SAMD5: variants seen among roughly 807,000 people sequenced by gnomAD.
The protein encoded by SAMD5 is sterile alpha motif domain-containing protein 5.
Under a neutral mutation model 11.3 loss-of-function variants are expected in SAMD5, and 13 were observed. The observed-to-expected ratio is 1.15, with a 90% confidence interval of 0.75 to 1.83. The LOEUF (loss-of-function observed/expected upper bound fraction) is 1.83. Ranked by LOEUF, SAMD5 falls within the 40% of genes most tolerant of loss-of-function variation. The pLI, the probability that SAMD5 is intolerant of heterozygous loss-of-function variation, is 0.00. For synonymous variants in SAMD5, 129 were observed against 111.3 expected (o/e 1.16, Z -1.00); for missense variants, 255 against 239.1 (o/e 1.07, Z -0.44).
chr6:147,675,263 T>C (rs1790846558), intron 1 of SAMD5, among the ~76,000 whole-genome samples: 1 of 152,188 alleles, frequency 6.6e-6, no homozygotes, highest in South Asian at 2.1e-4. Context: ...GAATAAATGC[T>C]TTAATTATGA....
At chr6:147,602,429 A>G (rs1348793932) in intron 1 of SAMD5, among the ~76,000 whole-genome samples, 1 of 152,186 alleles carries the variant, frequency 6.6e-6, no homozygotes, top group Non-Finnish European at 1.5e-5. Context: ...TCCTTGTGGA[A>G]ACAAACATTG....
chr6:147,925,682 CTTTTTTTT>C, the SAMD5 span, among the ~76,000 whole-genome samples: 3 of 115,282 alleles, frequency 2.6e-5, no homozygotes, highest in East Asian at 7.8e-4. Context: ...ACTGAGAATT[CTTTTTTTT>C]TTTTTTTTTT....
chr6:147,589,748 C>T (rs914411490), intron 1 of SAMD5, among the ~76,000 whole-genome samples: 6 of 152,242 alleles, frequency 3.9e-5, no homozygotes, highest in Admixed American at 2.6e-4. Context: ...ATAAAAAGTG[C>T]TTAGCATATG....
At chr6:147,766,201 T>A in the SAMD5 span, among the ~76,000 whole-genome samples, 1 of 151,634 alleles carries the variant, frequency 6.6e-6, no homozygotes, top group African/African-American at 2.4e-5. Flanking sequence ...AACAGAATTA[T>A]AAGATCAATA....
intron 1 of SAMD5, among the ~76,000 whole-genome samples, chr6:147,671,681 CTTAA>C (rs1156844603): frequency 2.0e-5 from 3 of 152,060 alleles, no homozygotes; most frequent in East Asian, 1.9e-4. Context: ...CCACCCATTA[CTTAA>C]TTATTTCTTC....
At chr6:147,868,280 TAAGTA>T in the SAMD5 span, among the ~76,000 whole-genome samples, 2 of 152,210 alleles carry the variant, frequency 1.3e-5, no homozygotes, top group South Asian at 2.1e-4. Context: ...AATTTGTTAC[TAAGTA>T]AAGTAGTTTG....
At chr6:147,901,266 C>T in the SAMD5 span, among the ~76,000 whole-genome samples, 2 of 152,224 alleles carry the variant, frequency 1.3e-5, no homozygotes, top group South Asian at 2.1e-4. Flanking sequence ...ATGGTTTATA[C>T]ATCCATACAT....
chr6:147,597,684 T>C (rs937735703), intron 1 of SAMD5, among the ~76,000 whole-genome samples: 1 of 152,236 alleles, frequency 6.6e-6, no homozygotes, highest in African/African-American at 2.4e-5. Context: ...TTTCATGATC[T>C]CTTCAAGAGC....
At chr6:147,833,391 A>G in the SAMD5 span, among the ~76,000 whole-genome samples, 1 of 152,244 alleles carries the variant, frequency 6.6e-6, no homozygotes, top group South Asian at 2.1e-4. Context: ...GGATTAGTTT[A>G]TATTAAGGAA....
chr6:147,721,308 C>T (rs1471726128), intron 1 of SAMD5, among the ~76,000 whole-genome samples: 12 of 150,846 alleles, frequency 8.0e-5, no homozygotes, highest in Non-Finnish European at 1.2e-4. Flanking sequence ...AGTTTACAGT[C>T]CCACCAACAG....
At chr6:147,855,692 A>G in the SAMD5 span, among the ~76,000 whole-genome samples, 9 of 152,170 alleles carry the variant, frequency 5.9e-5, no homozygotes, top group Admixed American at 1.3e-4. Context: ...TAAAAAAATA[A>G]AAGAACCCAG....
At chr6:147,603,841 T>A (rs1193564014) in intron 1 of SAMD5, among the ~76,000 whole-genome samples, 1 of 152,134 alleles carries the variant, frequency 6.6e-6, no homozygotes, top group East Asian at 1.9e-4. Flanking sequence ...TACTGGGAGC[T>A]GGAGGGTTTG....
chr6:147,556,568 A>G (rs1193975029), intron 1 of SAMD5, among the ~76,000 whole-genome samples: 1 of 152,226 alleles, frequency 6.6e-6, no homozygotes, highest in Non-Finnish European at 1.5e-5. Flanking sequence ...CCGGGATACA[A>G]CATTGCAGTG....
chr6:147,700,995 G>GTAGC (rs1791246113), intron 1 of SAMD5, among the ~76,000 whole-genome samples: 1 of 152,180 alleles, frequency 6.6e-6, no homozygotes, highest in South Asian at 2.1e-4. Context: ...CTTCTAGCTG[G>GTAGC]TAGAAAAGGA....
chr6:147,509,906 C>T (rs1788061604), intron 1 of SAMD5, among the ~76,000 whole-genome samples: 1 of 152,132 alleles, frequency 6.6e-6, no homozygotes. Context: ...AGCGCTGCTG[C>T]AAATTTGAGA....
At chr6:147,838,296 T>A in the SAMD5 span, among the ~76,000 whole-genome samples, 2 of 152,158 alleles carry the variant, frequency 1.3e-5, no homozygotes, top group South Asian at 2.1e-4. Context: ...AATGATGGGT[T>A]GGAGATTGAA....
chr6:147,906,691 T>A, the SAMD5 span, among the ~76,000 whole-genome samples: 1 of 152,204 alleles, frequency 6.6e-6, no homozygotes. Context: ...GGGAGAAGTC[T>A]ACATACTTAC....
the SAMD5 span, among the ~76,000 whole-genome samples, chr6:147,875,723 A>G: frequency 6.6e-6 from 1 of 152,044 alleles, no homozygotes; most frequent in Non-Finnish European, 1.5e-5. Context: ...TGGGAGTGTG[A>G]ACCCTATTGT....
At chr6:147,817,363 G>C in the SAMD5 span, among the ~76,000 whole-genome samples, 6 of 152,220 alleles carry the variant, frequency 3.9e-5, no homozygotes, top group African/African-American at 7.2e-5. Flanking sequence ...ACAACTTCCT[G>C]ATAGTGAAGG....
Sources: allele counts gnomAD v4.1 joint callset (sites outside exome capture counted in the v4.1 genomes callset), GRCh38; gene constraint gnomAD v4.1.1; transcripts MANE v1.5; gene names NCBI Gene and HGNC (gene_info 2026-07-23, HGNC 2026-07-21).